Variants in MYH14 observed in about 807,000 individuals in gnomAD.
MYH14 encodes myosin heavy chain 14.
Under a neutral mutation model 255.5 loss-of-function variants are expected in MYH14, and 123 were observed. The ratio of observed to expected loss-of-function variants is 0.48; its 90% CI spans 0.42 to 0.56. The LOEUF (loss-of-function observed/expected upper bound fraction) is 0.56, where lower values mean the gene tolerates loss of function less well. MYH14 is among the 20% of genes least tolerant of loss of function. The probability of loss-of-function intolerance (pLI) is 0.00; values close to 1 mark genes in which losing one functional copy is unlikely to be tolerated. For synonymous variants in MYH14, 1,095 were observed against 1,161.2 expected, an observed-to-expected ratio of 0.94 and a Z score of 1.16; for missense variants, 2,423 against 2,802.3, an observed-to-expected ratio of 0.86 and a Z score of 3.06.
intron 2 of MYH14, among the ~76,000 whole-genome samples, chr19:50,211,996 C>T (rs1411550614): frequency 1.3e-5 from 2 of 152,006 alleles, no homozygotes; most frequent in South Asian, 2.1e-4. Context: ...TCAAACAAAA[C>T]GAAACAATAC....
At chr19:50,261,895 G>A (rs1251440998) in intron 21 of MYH14, among the ~76,000 whole-genome samples, 1 of 152,156 alleles carries the variant, frequency 6.6e-6, no homozygotes, top group Non-Finnish European at 1.5e-5. Flanking sequence ...TAGTGGGCCT[G>A]GGTCTGGGTT....
chr19:50,237,368 G>C (rs2033705361), intron 10 of MYH14, among the ~76,000 whole-genome samples: 1 of 149,104 alleles, frequency 6.7e-6, no homozygotes, highest in South Asian at 2.1e-4. Flanking sequence ...TCTGTCACCT[G>C]GGGTTGGAGT....
At chr19:50,272,447 A>T in intron 26 of MYH14, 113 bp from the exon 27 acceptor site, 1 of 1,105,948 alleles carries the variant, frequency 9.0e-7, no homozygotes, top group Non-Finnish European at 1.3e-6. Flanking sequence ...AGAAGGCGTT[A>T]AGGGAGGTGC....
intron 2 of MYH14, 69 bp from the exon 3 acceptor site, chr19:50,217,546 A>T (rs1346469858): frequency 3.8e-5 from 60 of 1,585,944 alleles, no homozygotes; most frequent in Middle Eastern, 1.7e-4. Context: ...CGGCCTGCTC[A>T]GCAGCCCCAT....
intron 3 of MYH14, among the ~76,000 whole-genome samples, chr19:50,220,944 T>C (rs11669945): frequency 0.5 from 76,707 of 151,984 alleles, 22,046 homozygotes; most frequent in Non-Finnish European, 0.64. Context: ...CTATTTCTCC[T>C]GGCAGGTCTA....
intron 7 of MYH14, among the ~76,000 whole-genome samples, 167 bp from the exon 8 acceptor site, chr19:50,226,736 C>T (rs887352915): frequency 6.6e-6 from 1 of 152,060 alleles, no homozygotes; most frequent in Non-Finnish European, 1.5e-5. Context: ...TCCCAAGGAG[C>T]CCCCCGATGG....
chr19:50,238,584 T>C (rs942931120), intron 10 of MYH14, among the ~76,000 whole-genome samples: 2 of 152,152 alleles, frequency 1.3e-5, no homozygotes, highest in African/African-American at 4.8e-5. Context: ...CCCGAGCAGC[T>C]GAGATTATAG....
chr19:50,275,939 G>A, intron 27 of MYH14, 52 bp from the exon 28 acceptor site: 2 of 1,427,352 alleles, frequency 1.4e-6, no homozygotes, highest in South Asian at 1.2e-5. Context: ...AGAAATCATT[G>A]CCTCACTCTG....
intron 19 of MYH14, among the ~76,000 whole-genome samples, chr19:50,259,578 C>A (rs559976586): frequency 6.6e-6 from 1 of 152,196 alleles, no homozygotes; most frequent in African/African-American, 2.4e-5. Flanking sequence ...ATCTGCATGT[C>A]TTTAAAAATG....
At chr19:50,204,688 A>G (rs1239617829) in intron 1 of MYH14, among the ~76,000 whole-genome samples, 1 of 152,320 alleles carries the variant, frequency 6.6e-6, no homozygotes, top group East Asian at 1.9e-4. Flanking sequence ...TGAGCCCAGG[A>G]GTTCGAGACC....
At chr19:50,268,044 C>T in intron 23 of MYH14, 117 bp from the exon 24 acceptor site, 1 of 1,346,198 alleles carries the variant, frequency 7.4e-7, no homozygotes, top group Non-Finnish European at 9.9e-7. Context: ...CCTCCTGCCC[C>T]TCAGTCCTGC....
At position 50,222,299 on chromosome 19, in the gene MYH14, T is replaced by C. The variant is rs375987223; in HGVS notation, c.563-784T>C. Among the ~76,000 whole-genome samples, 41 of 151,876 alleles carry C rather than the reference T, an allele frequency of 2.7e-4. No homozygotes were observed. The South Asian group carries it at 8.3e-3, about 31-fold the overall frequency. ...ATCGAGACCATCCTGGCTAACACAG[T>C]GAAACCCTGTCTCTACTTAAAATAC... On this transcript the variant is annotated intron_variant, in intron 3 of 42. Coordinates refer to ENST00000642316, the MANE Select transcript of MYH14 (RefSeq NM_001145809.2).
chr19:50,282,547 A>C (rs2035759053), intron 33 of MYH14, among the ~76,000 whole-genome samples: 1 of 152,072 alleles, frequency 6.6e-6, no homozygotes, highest in Non-Finnish European at 1.5e-5. Context: ...ACTAAAATAC[A>C]AAAAAATTAG....
intron 42 of MYH14, 170 bp downstream of exon 42, chr19:50,309,347 C>G: frequency 1.5e-6 from 1 of 677,280 alleles, no homozygotes; most frequent in East Asian, 2.7e-5. Flanking sequence ...CAGGTAACTT[C>G]TTTCTTCCCA....
Position 50,272,586 on chromosome 19 carries a change from C to T in MYH14, c.3322C>T (p.Arg1108Cys), listed in dbSNP as rs769702697. ...EDRLRKEEKG[R>C]QELEKLKRRL... is the part of the protein sequence containing the mutation. ...CCGCCTACGGAAGGAGGAGAAGGGTCGCCAGGAGCTGGAGAAGCTGAAGCG... is the reference window on the plus strand; with the variant it reads ...CCGCCTACGGAAGGAGGAGAAGGGTTGCCAGGAGCTGGAGAAGCTGAAGCG... Residue 1108 changes from arginine (R) to cysteine (C), a missense_variant, in exon 27 of 43, where the codon CGC becomes TGC. Transcript: ENST00000642316. 1.5e-5 allele frequency: 23 copies of T among 1,578,682 alleles called. No homozygotes were observed. The highest frequency in any genetic ancestry group is 6.9e-5 in the East Asian group (3 of 43,500).
chr19:50,272,682 C>T lies in MYH14; in HGVS notation c.3418C>T (p.Arg1140Trp), dbSNP rs748538744. 14 of 1,553,722 alleles carry T rather than the reference C, an allele frequency of 9.0e-6. No individual in the cohort carries two copies. The South Asian group carries it at 9.5e-5, about 11-fold the overall frequency. Residue 1140 changes from arginine to tryptophan, a missense_variant, in exon 27 of 43, where the codon CGG becomes TGG. Coordinates refer to ENST00000642316, the MANE Select transcript of MYH14 (RefSeq NM_001145809.2). ...GCAGCAACAGCGGGCAGAGGAGCTG[C>T]GGGCCCAGCTGGGCCGGAAGGAGGA... ...VEQQQRAEEL[R>W]AQLGRKEEEL...
intron 27 of MYH14, among the ~76,000 whole-genome samples, chr19:50,275,222 C>T (rs1304315451): frequency 6.6e-6 from 1 of 152,124 alleles, no homozygotes; most frequent in African/African-American, 2.4e-5. Context: ...GGCTCCTGAA[C>T]CATTAACCCC....
In MYH14 at chr19:50,276,157, G is replaced by A. The variant is rs1456666363; in HGVS notation, c.3634G>A (p.Glu1212Lys). The part of the protein sequence containing the change: ...LGEELEALRG[E>K]LEDTLDSTNA... ...CGAGGAGCTGGAGGCGCTGCGGGGCGAGCTGGAGGACACGCTGGACTCCAC... is the reference window on the plus strand; with the variant it reads ...CGAGGAGCTGGAGGCGCTGCGGGGCAAGCTGGAGGACACGCTGGACTCCAC... Residue 1212 changes from glutamate to lysine, a missense_variant, in exon 28 of 43, where the codon GAG becomes AAG. Physicochemically the swap from Glu to Lys is moderately conservative, Grantham distance 56 (BLOSUM62 1). Around this residue, in one of 3 missense-constraint regions of MYH14, gnomAD observed 1,513 missense variants for 1,674.8 expected, o/e 0.90. Coordinates refer to ENST00000642316, the MANE Select transcript of MYH14 (RefSeq NM_001145809.2). This position sits in a 1 kb window ranked among gnomAD's most constrained non-coding sequence, Gnocchi z 4.3. The A allele has an allele frequency of 3.8e-6, 6 of 1,566,138 alleles. No homozygotes were observed. In the Middle Eastern group the frequency reaches 6.6e-4, roughly 172 times the overall value.
intron 1 of MYH14, among the ~76,000 whole-genome samples, 192 bp downstream of exon 1, chr19:50,203,863 T>C (rs1305671506): frequency 6.6e-6 from 1 of 151,870 alleles, no homozygotes; most frequent in Non-Finnish European, 1.5e-5. Context: ...GCGGGACGTC[T>C]ACACTCCCCC....
Sources: gnomAD v4.1 joint callset for allele counts (sites outside exome capture counted in the v4.1 genomes callset) on GRCh38, gnomAD v4.1.1 for gene constraint, gnomAD v4.1.1 regional missense constraint, Gnocchi (gnomAD v3.1) non-coding constraint, MANE v1.5 for transcripts, NCBI Gene and HGNC (gene_info 2026-07-23, HGNC 2026-07-21) for gene names.